GLB1L3: variants seen among roughly 807,000 people sequenced by gnomAD.
GLB1L3 encodes galactosidase beta 1 like 3.
Under a neutral mutation model 89.5 loss-of-function variants are expected in GLB1L3, and 89 were observed. The ratio of observed to expected loss-of-function variants is 0.99; its 90% CI spans 0.84 to 1.19. The LOEUF (loss-of-function observed/expected upper bound fraction) is 1.19. Ranked by LOEUF, GLB1L3 falls within the 50% of genes most tolerant of loss-of-function variation. The probability of loss-of-function intolerance (pLI) is 0.00; values close to 1 mark genes in which losing one functional copy is unlikely to be tolerated. For missense variants in GLB1L3, 812 were observed against 813.3 expected (o/e 1.00, Z 0.02); for synonymous variants, 314 against 312.3 (o/e 1.01, Z -0.06).
chr11:134,283,156 G>A (rs1447698830), intron 5 of GLB1L3, among the ~76,000 whole-genome samples: 1 of 151,978 alleles, frequency 6.6e-6, no homozygotes, highest in Admixed American at 6.5e-5. Flanking sequence ...TCTGCCTCCC[G>A]GGTTCAAGCG....
intron 3 of GLB1L3, among the ~76,000 whole-genome samples, chr11:134,279,323 CT>C (rs201489261): frequency 2.1e-3 from 315 of 149,856 alleles, no homozygotes; most frequent in Admixed American, 3.7e-3. Context: ...TGCTCTCCCC[CT>C]TTTTTTCTTT....
rs1255082753 is a variant in GLB1L3, at chr11:134,281,365, C to G, written c.363-12C>G. On this transcript the variant is annotated splice_polypyrimidine_tract_variant and intron_variant, in intron 3 of 19. Transcript: ENST00000431683. ...GAAGATACTCATCATACTTCCCTCT[C>G]ACCTCTTCTAGCTATGTTCCGTGGA... The G allele has an allele frequency of 6.2e-7, 1 of 1,613,824 alleles. No individual in the cohort carries two copies. The highest frequency in any genetic ancestry group is 1.7e-5 in the Admixed American group (1 of 60,018).
At position 134,311,139 on chromosome 11, in the gene GLB1L3, C is replaced by G. The variant is rs766182496; in HGVS notation, c.1256C>G (p.Pro419Arg). ...CCCGTGAGACCGTCGCTGTACCTCCCGCTGTGGGACGCCCTATCCTACTTA... is the reference window on the plus strand; with the variant it reads ...CCCGTGAGACCGTCGCTGTACCTCCGGCTGTGGGACGCCCTATCCTACTTA... ...YPPVRPSLYL[P>R]LWDALSYLNE... Residue 419 changes from proline to arginine, a missense_variant, in exon 13 of 20, where the codon CCG becomes CGG. Physicochemically the swap from Pro to Arg is moderately radical, Grantham distance 103. This residue lies in a region of GLB1L3 where 618 missense variants were observed against 604.0 expected (regional missense o/e 1.02). Transcript: ENST00000431683. The G allele has an allele frequency of 6.2e-7, 1 of 1,613,826 alleles. No homozygotes were observed. Among genetic ancestry groups the G allele is most frequent in the Non-Finnish European group, 8.5e-7 (1 of 1,179,764 alleles).
intron 5 of GLB1L3, among the ~76,000 whole-genome samples, 197 bp downstream of exon 5, chr11:134,282,317 GT>G (rs1940742265): frequency 6.6e-6 from 1 of 152,188 alleles, no homozygotes; most frequent in Admixed American, 6.5e-5. Flanking sequence ...GCGGGGTGCA[GT>G]TGTCATCCCC....
In GLB1L3 at chr11:134,313,867, G is replaced by A. The variant is rs953490974; in HGVS notation, c.1580-74G>A. On this transcript the variant is annotated intron_variant, in intron 16 of 19. Transcript: ENST00000431683. Reference sequence around the variant, plus strand: ...CCTAAGGCATGTACAAGTCTGCATTGCTTTGTCCCAGATGCTAGAGAATAT... The same window carrying A: ...CCTAAGGCATGTACAAGTCTGCATTACTTTGTCCCAGATGCTAGAGAATAT... 7.3e-6 allele frequency: 7 copies of A among 962,122 alleles called. No individual in the cohort carries two copies. In the African/African-American group the frequency reaches 9.7e-5, roughly 13 times the overall value. The allele number at this position is 962,122 out of a possible 1,614,324, so 59.6% of individuals were successfully genotyped here.
chr11:134,308,503 C>CATCAAAT (rs1565414167), intron 10 of GLB1L3, among the ~76,000 whole-genome samples: 3 of 13,570 alleles, frequency 2.2e-4, no homozygotes, highest in African/African-American at 6.0e-4. Flanking sequence ...CACCAAATAC[C>CATCAAAT]ACCACCACCA....
In GLB1L3 at chr11:134,308,021, GA is replaced by G. The variant is rs925315427; in HGVS notation, c.961+820del. On this transcript the variant is annotated intron_variant, in intron 10 of 19. Transcript: ENST00000431683. ...AAAGCCTGTTTTAGGTTGAAAAATAGAAAAAAAGTCAAAAGAAAAATGCCAC... is the reference window on the plus strand; with the variant it reads ...AAAGCCTGTTTTAGGTTGAAAAATAGAAAAAAGTCAAAAGAAAAATGCCAC... Among the ~76,000 whole-genome samples, 13 of 151,948 alleles carry G rather than the reference GA, an allele frequency of 8.6e-5. No homozygotes were observed. In the South Asian group the frequency reaches 1.7e-3, roughly 19 times the overall value.
At chr11:134,310,514 G>C in intron 11 of GLB1L3, 57 bp from the exon 12 acceptor site, 1 of 1,395,774 alleles carries the variant, frequency 7.2e-7, no homozygotes, top group East Asian at 2.3e-5. Context: ...CAGCGGTGCT[G>C]AAACAGGGCC....
At position 134,313,420 on chromosome 11, in the gene GLB1L3, G is replaced by GT; in HGVS notation, c.1526dup (p.Glu510GlyfsTer15). ...GGACTGCCGATACCTGAGGATCCTG[G>GT]TGGAGAATCAAGGACGAGTCAATTT... On this transcript the variant is annotated frameshift_variant, in exon 16 of 20. Transcript: ENST00000431683. LOFTEE classifies it high-confidence loss of function. The GT allele has an allele frequency of 1.3e-6, 2 of 1,584,984 alleles. No homozygotes were observed. Among genetic ancestry groups the GT allele is most frequent in the Non-Finnish European group, 1.7e-6 (2 of 1,165,398 alleles).
At chr11:134,306,029 G>A (rs529137752) in intron 9 of GLB1L3, among the ~76,000 whole-genome samples, 8 of 152,164 alleles carry the variant, frequency 5.3e-5, no homozygotes, top group African/African-American at 1.9e-4. Context: ...CAAAGAGCAT[G>A]GAGGAAAGGA....
chr11:134,319,613 G>A (rs1193280107), downstream of GLB1L3: 1 of 152,052 alleles, frequency 6.6e-6, no homozygotes, highest in Non-Finnish European at 1.5e-5. Flanking sequence ...TCTGAAGCCT[G>A]GGGAAGAGTA....
intron 9 of GLB1L3, among the ~76,000 whole-genome samples, chr11:134,296,658 T>G (rs1043865026): frequency 8.2e-6 from 1 of 121,658 alleles, no homozygotes; most frequent in African/African-American, 3.2e-5. Context: ...CACATGGACA[T>G]AGGAAGGGGA....
chr11:134,301,397 T>G (rs973671789), intron 9 of GLB1L3, among the ~76,000 whole-genome samples: 3 of 152,208 alleles, frequency 2.0e-5, no homozygotes, highest in African/African-American at 7.2e-5. Flanking sequence ...TCCATTTCAC[T>G]CAAACTAAAA....
rs771501902 is a variant in GLB1L3, at chr11:134,309,321, A to G, written c.962-305A>G. Among the ~76,000 whole-genome samples the G allele has an allele frequency of 8.5e-5, 13 of 152,330 alleles. No individual in the cohort carries two copies. In the South Asian group the frequency reaches 1.4e-3, roughly 17 times the overall value. ...ATCTTTGTAGAGGTTGAATGATAAA[A>G]CATTTGCAGTAGGTCTTTAACGTCA... On this transcript the variant is annotated intron_variant, in intron 10 of 19. Transcript: ENST00000431683.
chr11:134,309,699 C>T lies in GLB1L3; in HGVS notation c.1035C>T (p.Thr345=). ...ATGTATATATGTTCCATGGTGGAAC[C>T]AACTTTGGTTTCATGAACGGGGCCA... ...SFNVYMFHGG[T]NFGFMNGATY... Residue 345 remains threonine, a synonymous_variant, in exon 11 of 20, where the codon ACC becomes ACT. Transcript: ENST00000431683. 1 of 1,613,096 alleles carries T rather than the reference C, an allele frequency of 6.2e-7. No homozygotes were observed. Among genetic ancestry groups the T allele is most frequent in the Non-Finnish European group, 8.5e-7 (1 of 1,179,562 alleles).
chr11:134,308,436 ACC>A, intron 10 of GLB1L3, among the ~76,000 whole-genome samples: 2 of 82,794 alleles, frequency 2.4e-5, no homozygotes, highest in South Asian at 3.0e-4. Context: ...CATCACCACC[ACC>A]ACCACCATCA....
At chr11:134,314,067 CG>C (rs1437031136) in intron 17 of GLB1L3, 39 bp downstream of exon 17, 1 of 1,317,686 alleles carries the variant, frequency 7.6e-7, no homozygotes, top group African/African-American at 1.5e-5. Context: ...CTTCAGTGAT[CG>C]GGGAACTCAG....
At chr11:134,317,136 C>G (rs1943020239) in intron 18 of GLB1L3, 2 of 152,140 alleles carry the variant, frequency 1.3e-5, no homozygotes, top group Admixed American at 1.3e-4. Flanking sequence ...GTTTAAGTTC[C>G]TTTCTTTTCA....
chr11:134,284,458 T>G (rs1205922674), intron 6 of GLB1L3, among the ~76,000 whole-genome samples: 1 of 152,176 alleles, frequency 6.6e-6, no homozygotes, highest in Non-Finnish European at 1.5e-5. Flanking sequence ...CCAGGCTTGG[T>G]GACTCATGCC....
Sources: gnomAD v4.1 joint callset for allele counts (sites outside exome capture counted in the v4.1 genomes callset) on GRCh38, gnomAD v4.1.1 for gene constraint, gnomAD v4.1.1 regional missense constraint, MANE v1.5 for transcripts, NCBI Gene and HGNC (gene_info 2026-07-23, HGNC 2026-07-21) for gene names.